MTMR7: variants seen among roughly 807,000 people sequenced by gnomAD.
MTMR7 encodes the protein phosphatidylinositol-3-phosphate phosphatase MTMR7.
MTMR7 carries 76 observed loss-of-function variants against 81.2 expected under a neutral mutation model. The ratio of observed to expected loss-of-function variants is 0.94; its 90% confidence interval spans 0.78 to 1.13. MTMR7 has a LOEUF of 1.13. Ranked by LOEUF, MTMR7 falls within the 50% of genes most tolerant of loss-of-function variation. The pLI, the probability that MTMR7 is intolerant of heterozygous loss-of-function variation, is 0.00. For synonymous variants in MTMR7, 372 were observed against 289.8 expected, an observed-to-expected ratio of 1.28 and a Z score of -2.88; for missense variants, 1,044 against 820.0, an observed-to-expected ratio of 1.27 and a Z score of -3.34.
chr8:17,363,560 G>A (rs1009663279), intron 3 of MTMR7, among the ~76,000 whole-genome samples: 6 of 152,146 alleles, frequency 3.9e-5, no homozygotes, highest in African/African-American at 1.4e-4. Flanking sequence ...GTTGAACTAG[G>A]AGACCTTAGG....
Position 17,300,195 on chromosome 8 carries a change from T to G in MTMR7, c.1650A>C (p.Leu550Phe). The G allele has an allele frequency of 6.2e-7, 1 of 1,606,350 alleles. No individual in the cohort carries two copies. Among genetic ancestry groups the G allele is most frequent in the Non-Finnish European group, 8.5e-7 (1 of 1,175,804 alleles). The change falls in exon 14 of 14, where the codon TTA (leucine) becomes TTC (phenylalanine). Residue 550 changes from leucine to phenylalanine, a missense_variant. Physicochemically the swap from Leu to Phe is conservative, Grantham distance 22 (BLOSUM62 0). Coordinates refer to ENST00000180173, the MANE Select transcript of MTMR7 (RefSeq NM_004686.5). ...ERLEKIQKVQLNCTKVKSKQS... is the reference protein window; with the variant it reads ...ERLEKIQKVQFNCTKVKSKQS... ...GCTTACTCTTCACCTTAGTGCAATTTAACTGGACCTTTTGAATTTTTTCCA... is the reference window on the plus strand; with the variant it reads ...GCTTACTCTTCACCTTAGTGCAATTGAACTGGACCTTTTGAATTTTTTCCA...
At chr8:17,311,780 C>G (rs905599970) in intron 8 of MTMR7, 144 bp from the exon 9 acceptor site, 1 of 1,317,358 alleles carries the variant, frequency 7.6e-7, no homozygotes, top group Non-Finnish European at 1.0e-6. Flanking sequence ...TAGGGCCCCC[C>G]CTAATTAGGG....
chr8:17,395,292 A>T (rs551391013), intron 1 of MTMR7, among the ~76,000 whole-genome samples: 1 of 152,124 alleles, frequency 6.6e-6, no homozygotes, highest in African/African-American at 2.4e-5. Flanking sequence ...GCATGTACAT[A>T]TCATATTCTG....
Position 17,299,060 on chromosome 8 carries a change from G to C in MTMR7, c.*802C>G, listed in dbSNP as rs879840403. On this transcript the variant is annotated 3_prime_UTR_variant, in exon 14 of 14. Transcript: ENST00000180173. ...ATCAGGCTGGTGGCTGGCCCACACT[G>C]TCGGTAGTGTAGTCTCTAGAACAGT... is the stretch of plus-strand genomic sequence containing the variant. The C allele has an allele frequency of 6.6e-6, 1 of 152,200 alleles. No individual in the cohort carries two copies. Among genetic ancestry groups the C allele is most frequent in the Non-Finnish European group, 1.5e-5 (1 of 68,040 alleles). The allele number at this position is 152,200 out of a possible 1,614,324, so 9.4% of individuals were successfully genotyped here.
intron 1 of MTMR7, 83 bp downstream of exon 1, chr8:17,413,182 GCAGT>G: frequency 6.9e-7 from 1 of 1,452,862 alleles, no homozygotes; most frequent in Non-Finnish European, 9.4e-7. Context: ...GCCCCTCAAA[GCAGT>G]CGGCCTCCCG....
At chr8:17,320,059 T>A (rs1586177285) in intron 7 of MTMR7, among the ~76,000 whole-genome samples, 1 of 152,186 alleles carries the variant, frequency 6.6e-6, no homozygotes, top group Non-Finnish European at 1.5e-5. Flanking sequence ...ACTAGCTTTT[T>A]ATACTGATAA....
chr8:17,410,573 CTG>C (rs1347546890), intron 1 of MTMR7, among the ~76,000 whole-genome samples: 2 of 152,212 alleles, frequency 1.3e-5, no homozygotes, highest in Non-Finnish European at 2.9e-5. Context: ...GCAAACCAGC[CTG>C]TCCTTGGAAC....
chr8:17,371,936 ATGG>A (rs1238009569), intron 2 of MTMR7, among the ~76,000 whole-genome samples: 1 of 143,854 alleles, frequency 7.0e-6, no homozygotes, highest in Non-Finnish European at 1.5e-5. Flanking sequence ...ACTATTGAGT[ATGG>A]TCACCTTGCT....
intron 2 of MTMR7, among the ~76,000 whole-genome samples, chr8:17,372,456 C>T (rs542105268): frequency 5.3e-5 from 8 of 152,104 alleles, no homozygotes; most frequent in Non-Finnish European, 7.4e-5. Flanking sequence ...GGCGTGGTGG[C>T]GCGTGACTGT....
chr8:17,347,544 G>T lies in MTMR7; in HGVS notation c.597+1409C>A, dbSNP rs553585452. 2.6e-5 allele frequency among the ~76,000 whole-genome samples: 4 copies of T among 152,266 alleles called. No individual in the cohort carries two copies. In the South Asian group the frequency reaches 8.3e-4, roughly 32 times the overall value. ...TGGATACACACTCACACAATCTCCT[G>T]TGTTTATAGCCTCACTCGGCTTTGA... On this transcript the variant is annotated intron_variant, in intron 5 of 13. Coordinates refer to ENST00000180173, the MANE Select transcript of MTMR7 (RefSeq NM_004686.5).
chr8:17,324,280 T>C (rs1818556676), intron 7 of MTMR7, among the ~76,000 whole-genome samples: 1 of 152,226 alleles, frequency 6.6e-6, no homozygotes, highest in East Asian at 1.9e-4. Flanking sequence ...GCGTCTGCGA[T>C]AAATGTCCCG....
At position 17,316,673 on chromosome 8, in the gene MTMR7, C is replaced by CA. The variant is rs1195982735; in HGVS notation, c.866-3273dup. Among the ~76,000 whole-genome samples the CA allele has an allele frequency of 2.6e-5, 4 of 152,092 alleles. No homozygotes were observed. In the East Asian group the frequency reaches 7.7e-4, roughly 29 times the overall value. ...GAAAAAAATAAAAATAACAATACAA[C>CA]AAAAAATAATGGTAATAGAAAACCA... On this transcript the variant is annotated intron_variant, in intron 7 of 13. Transcript: ENST00000180173.
At position 17,298,373 on chromosome 8, in the gene MTMR7, T is replaced by C. The variant is rs911556869; in HGVS notation, c.*1489A>G. The C allele has an allele frequency of 3.9e-5, 6 of 152,110 alleles. No homozygotes were observed. The highest frequency in any genetic ancestry group is 1.2e-4 in the African/African-American group (5 of 41,456). 9.4% of individuals were successfully genotyped at this position (152,110 alleles called of 1,614,324 possible). On this transcript the variant is annotated 3_prime_UTR_variant, in exon 14 of 14. Coordinates refer to ENST00000180173, the MANE Select transcript of MTMR7 (RefSeq NM_004686.5). ...TTTATTTTTTACATTAACAGTACTT[T>C]TAAATCACAGTTCTCTAATATATTC...
chr8:17,341,662 T>C (rs1312604485), intron 5 of MTMR7, among the ~76,000 whole-genome samples, 165 bp from the exon 6 acceptor site: 1 of 152,178 alleles, frequency 6.6e-6, no homozygotes, highest in South Asian at 2.1e-4. Context: ...TTTATTAAAA[T>C]TCAAGTCAAA....
intron 7 of MTMR7, among the ~76,000 whole-genome samples, chr8:17,325,160 A>AACCT (rs778383518): frequency 7.9e-5 from 12 of 152,014 alleles, no homozygotes; most frequent in Non-Finnish European, 1.8e-4. Context: ...AGCAGAGAGA[A>AACCT]CTATTTCAGA....
intron 1 of MTMR7, 116 bp from the exon 2 acceptor site, chr8:17,373,356 C>A: frequency 7.7e-7 from 1 of 1,303,270 alleles, no homozygotes; most frequent in South Asian, 1.7e-5. Context: ...TGAGAATTCC[C>A]CCAATAATAA....
intron 4 of MTMR7, among the ~76,000 whole-genome samples, chr8:17,359,143 T>C (rs1819985685): frequency 6.6e-6 from 1 of 151,976 alleles, no homozygotes; most frequent in African/African-American, 2.4e-5. Flanking sequence ...AGCAGTCCCC[T>C]CGCCATGGCT....
At chr8:17,385,895 T>G (rs1820924296) in intron 1 of MTMR7, among the ~76,000 whole-genome samples, 1 of 152,210 alleles carries the variant, frequency 6.6e-6, no homozygotes, top group African/African-American at 2.4e-5. Flanking sequence ...TTACCCGGTC[T>G]CAGATATTTA....
chr8:17,392,400 G>C (rs1378749952), intron 1 of MTMR7, among the ~76,000 whole-genome samples: 2 of 152,168 alleles, frequency 1.3e-5, no homozygotes, highest in Non-Finnish European at 2.9e-5. Context: ...TTCCTCACAA[G>C]CATATAAATG....
Sources: gnomAD v4.1 joint callset for allele counts (sites outside exome capture counted in the v4.1 genomes callset) on GRCh38, gnomAD v4.1.1 for gene constraint, MANE v1.5 for transcripts, NCBI Gene and HGNC (gene_info 2026-07-23, HGNC 2026-07-21) for gene names.